SAMD11: variants seen among roughly 807,000 people sequenced by gnomAD.
The protein encoded by SAMD11 is sterile alpha motif domain-containing protein 11.
SAMD11 carries 77 observed loss-of-function variants against 64.4 expected under a neutral mutation model. That is an observed-to-expected ratio of 1.20 (90% CI 0.99 to 1.44). SAMD11 has a LOEUF of 1.44. Ranked by LOEUF, SAMD11 falls within the 40% of genes most tolerant of loss-of-function variation. The pLI is 0.00. For missense variants in SAMD11, 1,402 were observed against 943.3 expected, an observed-to-expected ratio of 1.49 and a Z score of -6.37; for synonymous variants, 658 against 421.9, an observed-to-expected ratio of 1.56 and a Z score of -6.86.
intron 7 of SAMD11, 67 bp from the exon 8 acceptor site, chr1:941,077 C>T (rs924101559): frequency 8.1e-5 from 117 of 1,435,952 alleles, no homozygotes; most frequent in Non-Finnish European, 2.3e-5. Context: ...TGTTCTACGC[C>T]AGGACGCGGG....
Position 935,882 on chromosome 1 carries a change from G to A in SAMD11, c.953G>A (p.Gly318Asp), listed in dbSNP as rs1276148894. 4 of 1,612,470 alleles carry A rather than the reference G, an allele frequency of 2.5e-6. No individual in the cohort carries two copies. The South Asian group carries it at 3.3e-5, about 13-fold the overall frequency. The change falls in exon 5 of 14, where the codon GGC becomes GAC. Residue 318 changes from glycine to aspartate, a missense_variant. By Grantham distance (94) the Gly-to-Asp change is moderately conservative. Transcript: ENST00000616016. ...CEFQRGSLEI[G>D]LRPAGDLLGK... ...TTCCAGAGAGGCAGCCTGGAGATTG[G>A]CCTGCGACCCGCCGGTGAGGAGCAC...
intron 4 of SAMD11, among the ~76,000 whole-genome samples, chr1:933,493 C>T (rs1641264806): frequency 6.6e-6 from 1 of 152,164 alleles, no homozygotes; most frequent in Non-Finnish European, 1.5e-5. Context: ...AGCCCCCAAC[C>T]TCTGGAGTCT....
intron 2 of SAMD11, among the ~76,000 whole-genome samples, chr1:928,587 C>T (rs1010187284): frequency 4.0e-4 from 61 of 152,382 alleles, no homozygotes; most frequent in Non-Finnish European, 7.5e-4. Flanking sequence ...ATCATACCTT[C>T]GGCCTTGGCC....
At chr1:934,946 C>T (rs575390588) in intron 4 of SAMD11, among the ~76,000 whole-genome samples, 2 of 144,674 alleles carry the variant, frequency 1.4e-5, no homozygotes, top group African/African-American at 5.4e-5. Context: ...GGGGCGGCTG[C>T]GTTACAGGTG....
chr1:942,380 C>T (rs1641833547), intron 9 of SAMD11, 30 bp from the exon 10 acceptor site: 1 of 1,325,948 alleles, frequency 7.5e-7, no homozygotes, highest in Non-Finnish European at 1.0e-6. Flanking sequence ...CTCGGACCCC[C>T]CGACCCCGCG....
chr1:930,149 C>G lies in SAMD11; in HGVS notation c.610-6C>G. ...GCCCCACCTTCCTCTCCTCCTGCCC[C>G]ACCAGAACCGGGGGCGGCTGGCAGA... On this transcript the variant is annotated splice_region_variant and splice_polypyrimidine_tract_variant and intron_variant, in intron 2 of 13. Transcript: ENST00000616016. 1 of 1,554,004 alleles carries G rather than the reference C, an allele frequency of 6.4e-7. No individual in the cohort carries two copies. Among genetic ancestry groups the G allele is most frequent in the Non-Finnish European group, 8.7e-7 (1 of 1,148,706 alleles).
At chr1:933,744 G>C (rs983369462) in intron 4 of SAMD11, among the ~76,000 whole-genome samples, 3 of 151,824 alleles carry the variant, frequency 2.0e-5, no homozygotes, top group Non-Finnish European at 2.9e-5. Flanking sequence ...ATGTGCCTGG[G>C]GGGGGCTTCC....
At chr1:935,426 C>CGGAGCTCCTCT (rs59561572) in intron 4 of SAMD11, among the ~76,000 whole-genome samples, 25,148 of 152,102 alleles carry the variant, frequency 0.17, 5,662 homozygotes, top group African/African-American at 0.51. Context: ...TCTTCCCGGG[C>CGGAGCTCCTCT]GCCCGGTGGG....
Position 942,448 on chromosome 1 carries a change from G to A in SAMD11, c.1513G>A (p.Ala505Thr), listed in dbSNP as rs769309996. ...FLPPAQAEMFAWQQELLRKQN... is the reference protein window; with the variant it reads ...FLPPAQAEMFTWQQELLRKQN... ...GCCCCCCGCGCAGGCGGAGATGTTC[G>A]CCTGGCAGCAGGAGCTCCTGCGGAA... The change falls in exon 10 of 14, where the codon GCC becomes ACC. Residue 505 changes from alanine (A) to threonine (T), a missense_variant. Transcript: ENST00000616016. The A allele has an allele frequency of 6.7e-7, 1 of 1,487,858 alleles. No individual in the cohort carries two copies. The highest frequency in any genetic ancestry group is 8.9e-7 in the Non-Finnish European group (1 of 1,125,276). The allele number at this position is 1,487,858 out of a possible 1,614,324, so 92.2% of individuals were successfully genotyped here.
chr1:942,282 C>T (rs1298516501), intron 9 of SAMD11, 31 bp downstream of exon 9: 2 of 1,046,926 alleles, frequency 1.9e-6, no homozygotes, highest in Non-Finnish European at 1.3e-6. Context: ...CCCCTGGGAG[C>T]CCGCGTGGAG....
At chr1:939,186 G>A in intron 6 of SAMD11, 57 bp downstream of exon 6, 2 of 1,551,658 alleles carry the variant, frequency 1.3e-6, no homozygotes, top group Non-Finnish European at 1.7e-6. Context: ...AGTCCCTGAG[G>A]GTCCCCTGGA....
At chr1:943,460 C>G in intron 12 of SAMD11, 83 bp downstream of exon 12, 5 of 1,249,152 alleles carry the variant, frequency 4.0e-6, no homozygotes, top group Non-Finnish European at 4.4e-6. Flanking sequence ...TGGGGTAGGG[C>G]CATTCCCCAA....
chr1:926,241 A>G (rs1640881137), intron 2 of SAMD11, among the ~76,000 whole-genome samples: 1 of 152,198 alleles, frequency 6.6e-6, no homozygotes, highest in African/African-American at 2.4e-5. Context: ...CGGTGGAGAC[A>G]GGGGGGCCGC....
At chr1:933,181 T>A (rs1641251113) in intron 4 of SAMD11, among the ~76,000 whole-genome samples, 1 of 152,204 alleles carries the variant, frequency 6.6e-6, no homozygotes, top group South Asian at 2.1e-4. Flanking sequence ...GACCATGCGC[T>A]GATGTGCCCG....
intron 11 of SAMD11, 62 bp downstream of exon 11, chr1:943,120 A>G: frequency 6.4e-7 from 1 of 1,556,464 alleles, no homozygotes; most frequent in South Asian, 1.2e-5. Context: ...CGCCTGTGGA[A>G]GGGTCTTGGG....
In SAMD11 at chr1:944,234, A is replaced by C. The variant is rs544040354; in HGVS notation, c.*81A>C. On this transcript the variant is annotated 3_prime_UTR_variant, in exon 14 of 14. Coordinates refer to ENST00000616016, the MANE Select transcript of SAMD11 (RefSeq NM_001385641.1). ...CAATGGCCCTGCCTCCCACCGCTTTATTTCTTTCGGTTTCGGATGCAAAAC... is the reference window on the plus strand; with the variant it reads ...CAATGGCCCTGCCTCCCACCGCTTTCTTTCTTTCGGTTTCGGATGCAAAAC... 1.6e-3 allele frequency: 2,396 copies of C among 1,458,100 alleles called. No homozygotes were observed. Among genetic ancestry groups the C allele is most frequent in the Non-Finnish European group, 1.9e-3 (2,078 of 1,106,310 alleles). 90.3% of individuals were successfully genotyped at this position (1,458,100 alleles called of 1,614,324 possible).
chr1:942,801 G>T lies in SAMD11; in HGVS notation c.1796G>T (p.Gly599Val), dbSNP rs1418314206. The change falls in exon 11 of 14, where the codon GGT (glycine) becomes GTT (valine). Residue 599 changes from glycine (G) to valine (V), a missense_variant. Physicochemically the swap from Gly to Val is moderately radical, Grantham distance 109. Coordinates refer to ENST00000616016, the MANE Select transcript of SAMD11 (RefSeq NM_001385641.1). ...GCCCGGCGAGCCCCCCGGAAGGGGG[G>T]TCCCGGCCCTGCCTCAGCGCGGCCC... ...DSARRAPRKG[G>V]PGPASARPSE... 2 of 1,545,200 alleles carry T rather than the reference G, an allele frequency of 1.3e-6. No homozygotes were observed. Among genetic ancestry groups the T allele is most frequent in the East Asian group, 5.0e-5 (2 of 40,326 alleles).
chr1:939,201 G>A (rs776716889), intron 6 of SAMD11, 72 bp downstream of exon 6: 6 of 1,550,652 alleles, frequency 3.9e-6, no homozygotes, highest in East Asian at 4.8e-5. Context: ...CCTGGACCTC[G>A]AGCAGGCACT....
chr1:933,575 G>A (rs187709786), intron 4 of SAMD11, among the ~76,000 whole-genome samples: 1 of 152,276 alleles, frequency 6.6e-6, no homozygotes, highest in African/African-American at 2.4e-5. Flanking sequence ...AGAACTCCAT[G>A]GCAGCTGTGG....
Sources: gnomAD v4.1 joint callset for allele counts (sites outside exome capture counted in the v4.1 genomes callset) on GRCh38, gnomAD v4.1.1 for gene constraint, MANE v1.5 for transcripts, NCBI Gene and HGNC (gene_info 2026-07-23, HGNC 2026-07-21) for gene names.